SDK1: variants seen among roughly 807,000 people sequenced by gnomAD.
The protein encoded by SDK1 is protein sidekick-1.
Under a neutral mutation model 245.5 loss-of-function variants are expected in SDK1, and 157 were observed. The ratio of observed to expected loss-of-function variants is 0.64; its 90% CI spans 0.56 to 0.73. SDK1 has a LOEUF of 0.73. Ranked by LOEUF, SDK1 falls within the 30% of genes least tolerant of loss-of-function variation. The pLI, the probability that SDK1 is intolerant of heterozygous loss-of-function variation, is 0.00. For missense variants in SDK1, 3,583 were observed against 3,002.3 expected (o/e 1.19, Z -4.52); for synonymous variants, 1,647 against 1,278.5 (o/e 1.29, Z -6.15).
chr7:3,930,949 C>G (rs1779955233), intron 5 of SDK1, among the ~76,000 whole-genome samples: 1 of 152,146 alleles, frequency 6.6e-6, no homozygotes, highest in African/African-American at 2.4e-5. Context: ...TTAGAAAAGT[C>G]TAGTTGTAAA....
chr7:3,478,111 A>G (rs942233183), intron 1 of SDK1, among the ~76,000 whole-genome samples: 10 of 152,200 alleles, frequency 6.6e-5, no homozygotes, highest in African/African-American at 2.4e-4. Flanking sequence ...TCAGTAAAAA[A>G]TTATAAAGTA....
intron 2 of SDK1, among the ~76,000 whole-genome samples, chr7:3,623,220 A>C (rs1781999224): frequency 1.3e-5 from 2 of 150,938 alleles, no homozygotes; most frequent in Non-Finnish European, 2.9e-5. Context: ...TACACACTGC[A>C]CAGTGAATTT....
intron 37 of SDK1, among the ~76,000 whole-genome samples, chr7:4,209,623 A>C (rs756740846): frequency 4.6e-5 from 7 of 152,128 alleles, no homozygotes; most frequent in Non-Finnish European, 7.4e-5. Flanking sequence ...AGGAGGGGTC[A>C]AGAGAGGCTT....
At chr7:3,363,960 T>C (rs562765631) in intron 1 of SDK1, among the ~76,000 whole-genome samples, 25 of 152,368 alleles carry the variant, frequency 1.6e-4, no homozygotes, top group African/African-American at 5.8e-4. Context: ...CTCATCATTA[T>C]TTGGTGTTAC....
intron 30 of SDK1, among the ~76,000 whole-genome samples, chr7:4,155,261 G>A: frequency 6.6e-6 from 1 of 151,292 alleles, no homozygotes; most frequent in Non-Finnish European, 1.5e-5. Context: ...GTTCCCTGCA[G>A]CTCACAGAGA....
At chr7:3,826,942 A>G (rs1035306297) in intron 5 of SDK1, among the ~76,000 whole-genome samples, 2 of 152,096 alleles carry the variant, frequency 1.3e-5, no homozygotes, top group Non-Finnish European at 2.9e-5. Context: ...ACTCACCACA[A>G]CAAAGACCAT....
At chr7:3,814,071 A>G (rs541727410) in intron 4 of SDK1, among the ~76,000 whole-genome samples, 1 of 127,084 alleles carries the variant, frequency 7.9e-6, no homozygotes, top group Non-Finnish European at 1.6e-5. Context: ...TTGCCTGTTC[A>G]CTCTGATGGT....
At chr7:3,547,123 T>C (rs769082685) in intron 1 of SDK1, among the ~76,000 whole-genome samples, 4 of 152,224 alleles carry the variant, frequency 2.6e-5, no homozygotes, top group Non-Finnish European at 5.9e-5. Context: ...ATAATTTTTA[T>C]TATGATTTAA....
chr7:3,310,270 G>T (rs905689547), intron 1 of SDK1, among the ~76,000 whole-genome samples: 1 of 152,188 alleles, frequency 6.6e-6, no homozygotes, highest in African/African-American at 2.4e-5. Context: ...GAAATGATCA[G>T]ATTTGTATTT....
At chr7:3,973,386 C>T (rs571876595) in intron 12 of SDK1, among the ~76,000 whole-genome samples, 191 of 152,334 alleles carry the variant, frequency 1.3e-3, no homozygotes, top group Non-Finnish European at 2.2e-3. Context: ...ACTTTCATTC[C>T]ATATAGCAAT....
At chr7:3,511,688 A>G (rs1024201962) in intron 1 of SDK1, among the ~76,000 whole-genome samples, 1 of 152,160 alleles carries the variant, frequency 6.6e-6, no homozygotes, top group African/African-American at 2.4e-5. Flanking sequence ...TTATGAAAAT[A>G]AGTCACTGTG....
At chr7:3,962,078 C>G (rs1047341587) in intron 8 of SDK1, among the ~76,000 whole-genome samples, 1 of 152,186 alleles carries the variant, frequency 6.6e-6, no homozygotes, top group African/African-American at 2.4e-5. Context: ...TGAACACATG[C>G]ACATACATAT....
chr7:3,885,486 G>A (rs1391850621), intron 5 of SDK1, among the ~76,000 whole-genome samples: 2 of 152,092 alleles, frequency 1.3e-5, no homozygotes, highest in African/African-American at 4.8e-5. Context: ...CGGTACACGT[G>A]TCACTTACTA....
At chr7:3,544,756 A>G (rs988680052) in intron 1 of SDK1, among the ~76,000 whole-genome samples, 10 of 152,182 alleles carry the variant, frequency 6.6e-5, no homozygotes, top group Admixed American at 6.5e-4. Context: ...TACAGCACTT[A>G]CCAACCAAGA....
chr7:4,236,861 C>T (rs1000745263), intron 41 of SDK1, among the ~76,000 whole-genome samples: 6 of 152,078 alleles, frequency 3.9e-5, no homozygotes, highest in African/African-American at 7.2e-5. Flanking sequence ...GACGTCTAGG[C>T]GCTTTGTTCC....
At position 3,796,172 on chromosome 7, in the gene SDK1, A is replaced by C. The variant is rs550583349; in HGVS notation, c.714-25278A>C. On this transcript the variant is annotated intron_variant, in intron 4 of 44. Coordinates refer to ENST00000404826, the MANE Select transcript of SDK1 (RefSeq NM_152744.4). ...TTAAAGTGATAGAAAACAGTTCTGC[A>C]AAATGAAAGGGAGAATTGAATTTGT... Among the ~76,000 whole-genome samples, 6 of 152,354 alleles carry C rather than the reference A, an allele frequency of 3.9e-5. No individual in the cohort carries two copies. In the East Asian group the frequency reaches 1.2e-3, roughly 29 times the overall value.
intron 1 of SDK1, among the ~76,000 whole-genome samples, chr7:3,567,258 A>G (rs975703300): frequency 2.0e-5 from 3 of 152,196 alleles, no homozygotes; most frequent in African/African-American, 4.8e-5. Context: ...ACAGGTATTT[A>G]TCCTCCATTC....
At chr7:3,704,364 T>A (rs1784827206) in intron 4 of SDK1, among the ~76,000 whole-genome samples, 1 of 88,334 alleles carries the variant, frequency 1.1e-5, no homozygotes, top group Admixed American at 1.1e-4. Context: ...CCAATATCGA[T>A]TTTTTTTTTT....
At chr7:3,904,809 C>G (rs1159308822) in intron 5 of SDK1, among the ~76,000 whole-genome samples, 2 of 152,002 alleles carry the variant, frequency 1.3e-5, no homozygotes, top group East Asian at 3.9e-4. Context: ...CTGGAGAACA[C>G]AATAGAATCC....
Sources: allele counts gnomAD v4.1 joint callset (sites outside exome capture counted in the v4.1 genomes callset), GRCh38; gene constraint gnomAD v4.1.1; transcripts MANE v1.5; gene names NCBI Gene and HGNC (gene_info 2026-07-23, HGNC 2026-07-21).